FGD4: variants seen among roughly 807,000 people sequenced by gnomAD.
The protein encoded by FGD4 is FYVE, RhoGEF and PH domain-containing protein 4.
Under a neutral mutation model 102.0 loss-of-function variants are expected in FGD4, and 42 were observed. The observed-to-expected ratio is 0.41, with a 90% CI of 0.32 to 0.53. The LOEUF (loss-of-function observed/expected upper bound fraction) is 0.53, where lower values mean the gene tolerates loss of function less well. Ranked by LOEUF, FGD4 falls within the 20% of genes least tolerant of loss-of-function variation. FGD4 has a pLI of 0.21. For synonymous variants in FGD4, 380 were observed against 375.7 expected, an observed-to-expected ratio of 1.01 and a Z score of -0.13; for missense variants, 902 against 1,078.2, an observed-to-expected ratio of 0.84 and a Z score of 2.29.
chr12:32,498,293 G>A (rs1948917900), intron 1 of FGD4, among the ~76,000 whole-genome samples: 1 of 152,128 alleles, frequency 6.6e-6, no homozygotes, highest in African/African-American at 2.4e-5. Context: ...CCTCTAGACA[G>A]TTCCCTTTTA....
chr12:32,634,924 A>G (rs1347494361), intron 15 of FGD4, among the ~76,000 whole-genome samples: 2 of 151,990 alleles, frequency 1.3e-5, no homozygotes, highest in East Asian at 3.9e-4. Flanking sequence ...GGAGGCGGAG[A>G]TTGCAGTGAG....
intron 1 of FGD4, among the ~76,000 whole-genome samples, chr12:32,523,967 G>A (rs1056049934): frequency 1.3e-5 from 2 of 152,098 alleles, no homozygotes; most frequent in Admixed American, 6.5e-5. Context: ...GACAGAGCAA[G>A]ACTCTGTCTC....
rs527900882 is a variant in FGD4 at position 32,583,204 on chromosome 12, G to T, written c.1011+737G>T. Among the ~76,000 whole-genome samples the T allele has an allele frequency of 1.2e-4, 19 of 152,270 alleles. No individual in the cohort carries two copies. In the East Asian group the frequency reaches 3.5e-3, roughly 28 times the overall value. ...TTTTAAAACTTAGCAGAGCATGGTAGTTTGCACCTGTGGTCTCAGCTACTC... is the reference window on the plus strand; with the variant it reads ...TTTTAAAACTTAGCAGAGCATGGTATTTTGCACCTGTGGTCTCAGCTACTC... On this transcript the variant is annotated intron_variant, in intron 4 of 16. Transcript: ENST00000534526.
chr12:32,507,108 T>C (rs1262055799), intron 1 of FGD4, among the ~76,000 whole-genome samples: 1 of 119,606 alleles, frequency 8.4e-6, no homozygotes, highest in East Asian at 2.6e-4. Flanking sequence ...GTCCCCAGAG[T>C]GTGATGTTCC....
chr12:32,400,367 A>G (rs111949583), intron 1 of FGD4, among the ~76,000 whole-genome samples: 9,549 of 152,260 alleles, frequency 0.063, 429 homozygotes, highest in Middle Eastern at 0.14. Context: ...TGTCCGCCCA[A>G]GTCTGACAAC....
intron 9 of FGD4, 127 bp downstream of exon 9, chr12:32,610,961 G>C: frequency 7.8e-7 from 1 of 1,280,088 alleles, no homozygotes. Flanking sequence ...TTTATGAAAT[G>C]TTTAATGTTA....
At chr12:32,429,991 A>G (rs1941994419) in intron 1 of FGD4, among the ~76,000 whole-genome samples, 1 of 151,874 alleles carries the variant, frequency 6.6e-6, no homozygotes, top group African/African-American at 2.4e-5. Flanking sequence ...GGACATTTTC[A>G]AGGAGAAACA....
intron 1 of FGD4, among the ~76,000 whole-genome samples, chr12:32,469,981 CT>C (rs1943373655): frequency 6.6e-6 from 1 of 152,034 alleles, no homozygotes; most frequent in African/African-American, 2.4e-5. Flanking sequence ...TATTAATAGA[CT>C]TGTGGGTTGA....
intron 1 of FGD4, among the ~76,000 whole-genome samples, chr12:32,419,863 A>C (rs1488705000): frequency 2.0e-5 from 3 of 152,048 alleles, no homozygotes; most frequent in Admixed American, 1.3e-4. Flanking sequence ...ACTGAGTTCA[A>C]AGCAAAGCCT....
intron 1 of FGD4, among the ~76,000 whole-genome samples, chr12:32,468,989 C>CA (rs1187896932): frequency 6.6e-6 from 1 of 151,776 alleles, no homozygotes; most frequent in Non-Finnish European, 1.5e-5. Flanking sequence ...CCACACCTAG[C>CA]AAATTTTTGT....
At chr12:32,402,742 G>A (rs1412674577) in intron 1 of FGD4, among the ~76,000 whole-genome samples, 1 of 144,416 alleles carries the variant, frequency 6.9e-6, no homozygotes, top group Non-Finnish European at 1.5e-5. Flanking sequence ...CTATTTTCAG[G>A]GTCGAAAAGT....
At chr12:32,586,121 T>G (rs1211839090) in intron 4 of FGD4, among the ~76,000 whole-genome samples, 1 of 152,080 alleles carries the variant, frequency 6.6e-6, no homozygotes, top group Non-Finnish European at 1.5e-5. Context: ...AAGGCTAGAT[T>G]TAGAAGAGTA....
chr12:32,453,224 TAGATATATATA>T (rs1565749152), intron 1 of FGD4, among the ~76,000 whole-genome samples: 2,621 of 60,526 alleles, frequency 0.043, 66 homozygotes, highest in Middle Eastern at 0.071. Context: ...ATATATAATA[TAGATATATATA>T]TATTTTTTTT....
intron 1 of FGD4, among the ~76,000 whole-genome samples, chr12:32,528,541 C>T (rs534396367): frequency 3.8e-4 from 58 of 152,192 alleles, no homozygotes; most frequent in African/African-American, 1.2e-3. Flanking sequence ...AGGTGCGCAC[C>T]ACCACGCCTG....
At chr12:32,499,250 T>C (rs1445543954) in intron 1 of FGD4, among the ~76,000 whole-genome samples, 1 of 152,250 alleles carries the variant, frequency 6.6e-6, no homozygotes, top group Non-Finnish European at 1.5e-5. Context: ...CGGTTTTATC[T>C]TAAGAACCTT....
chr12:32,639,015 T>A, intron 16 of FGD4: 1 of 1,303,056 alleles, frequency 7.7e-7, no homozygotes, highest in African/African-American at 1.5e-5. Flanking sequence ...TCCCCTTTCT[T>A]GTCTCATTCA....
Position 32,602,201 on chromosome 12 carries a change from G to A in FGD4, c.1288G>A (p.Ala430Thr). 1 of 1,614,020 alleles carries A rather than the reference G, an allele frequency of 6.2e-7. No homozygotes were observed. Among genetic ancestry groups the A allele is most frequent in the Non-Finnish European group, 8.5e-7 (1 of 1,179,958 alleles). ...PRIGDILQKLAPFLKMYGEYV... is the reference protein window; with the variant it reads ...PRIGDILQKLTPFLKMYGEYV... ...AATTGGAGACATCCTTCAGAAATTG[G>A]CACCATTCCTTAAGATGTATGGAGA... is the stretch of plus-strand genomic sequence containing the variant. The change falls in exon 7 of 17, where the codon GCA becomes ACA. Residue 430 changes from alanine to threonine, a missense_variant. This residue lies in a region of FGD4 where 459 missense variants were observed against 619.0 expected (regional missense o/e 0.74). Transcript: ENST00000534526.
chr12:32,430,289 T>C (rs1409655243), intron 1 of FGD4, among the ~76,000 whole-genome samples: 2 of 151,564 alleles, frequency 1.3e-5, no homozygotes, highest in South Asian at 2.1e-4. Context: ...GCCTTGGTGA[T>C]AAAGTGAGAC....
chr12:32,538,248 G>T (rs1942477396), intron 1 of FGD4, among the ~76,000 whole-genome samples: 1 of 152,076 alleles, frequency 6.6e-6, no homozygotes, highest in Non-Finnish European at 1.5e-5. Flanking sequence ...TTTTTTTGTT[G>T]TGGTGTTCAC....
Sources: gnomAD v4.1 joint callset for allele counts (sites outside exome capture counted in the v4.1 genomes callset) on GRCh38, gnomAD v4.1.1 for gene constraint, gnomAD v4.1.1 regional missense constraint, MANE v1.5 for transcripts, NCBI Gene and HGNC (gene_info 2026-07-23, HGNC 2026-07-21) for gene names.